Variants in MYO5A observed in about 807,000 individuals in gnomAD.
MYO5A encodes unconventional myosin-Va.
Under a neutral mutation model 249.7 loss-of-function variants are expected in MYO5A, and 98 were observed. That is an observed-to-expected ratio of 0.39 (90% confidence interval 0.33 to 0.46). The LOEUF is 0.46. MYO5A is among the 20% of genes least tolerant of loss of function. The probability of loss-of-function intolerance (pLI) is 0.98; values close to 1 mark genes in which losing one functional copy is unlikely to be tolerated. For missense variants in MYO5A, 1,696 were observed against 2,308.8 expected (o/e 0.73, Z 5.44); for synonymous variants, 778 against 810.6 (o/e 0.96, Z 0.68).
intron 1 of MYO5A, among the ~76,000 whole-genome samples, chr15:52,448,856 C>T (rs575822076): frequency 6.0e-5 from 9 of 150,304 alleles, no homozygotes; most frequent in African/African-American, 1.5e-4. Context: ...CACAGCCATA[C>T]ATCCTATATA....
At chr15:52,417,699 G>A (rs1049287703) in intron 4 of MYO5A, among the ~76,000 whole-genome samples, 12 of 152,142 alleles carry the variant, frequency 7.9e-5, no homozygotes, top group Admixed American at 3.3e-4. Context: ...TAGTCATCAC[G>A]GGAGTGGGCT....
At chr15:52,348,265 A>T (rs1269872849) in intron 29 of MYO5A, among the ~76,000 whole-genome samples, 2 of 151,628 alleles carry the variant, frequency 1.3e-5, no homozygotes. Context: ...TGTGCTATAT[A>T]GGAAAATTCC....
chr15:52,524,424 C>T (rs181798041), intron 1 of MYO5A, among the ~76,000 whole-genome samples: 189 of 151,700 alleles, frequency 1.2e-3, no homozygotes, highest in African/African-American at 4.5e-3. Flanking sequence ...TTTGGTAGCA[C>T]ATGCCTGTAG....
chr15:52,421,827 A>T (rs1460070088), intron 4 of MYO5A, among the ~76,000 whole-genome samples: 2 of 152,204 alleles, frequency 1.3e-5, no homozygotes, highest in Non-Finnish European at 2.9e-5. Context: ...GGAGACCAGG[A>T]GATTTGAGCT....
In MYO5A at chr15:52,370,189, A is replaced by G. The variant is rs772197414; in HGVS notation, c.3046T>C (p.Tyr1016His). ...CCTACCTGCTCTGTTTCTTGTTTGTATCGATCTGCATGTTCCTCAATGCAT... is the reference window on the plus strand; with the variant it reads ...CCTACCTGCTCTGTTTCTTGTTTGTGTCGATCTGCATGTTCCTCAATGCAT... ...KKCIEEHADR[Y>H]KQETEQLVSN... is the part of the protein sequence containing the mutation. Residue 1016 changes from tyrosine to histidine, a missense_variant, in exon 22 of 42, where the codon TAC becomes CAC. Transcript: ENST00000399233. 6.2e-7 allele frequency: 1 copy of G among 1,614,040 alleles called. No homozygotes were observed. Among genetic ancestry groups the G allele is most frequent in the Non-Finnish European group, 8.5e-7 (1 of 1,179,982 alleles).
At chr15:52,426,940 T>C (rs968090500) in intron 3 of MYO5A, among the ~76,000 whole-genome samples, 1 of 151,878 alleles carries the variant, frequency 6.6e-6, no homozygotes, top group African/African-American at 2.4e-5. Flanking sequence ...TCTGACTTGA[T>C]AGGGTGGCCA....
intron 32 of MYO5A, among the ~76,000 whole-genome samples, chr15:52,338,972 G>A (rs2039252301): frequency 6.6e-6 from 1 of 152,060 alleles, no homozygotes; most frequent in African/African-American, 2.4e-5. Flanking sequence ...TTTAATTTAA[G>A]CAACAGTATA....
intron 40 of MYO5A, among the ~76,000 whole-genome samples, chr15:52,315,039 CA>C (rs2037931123): frequency 6.6e-6 from 1 of 151,980 alleles, no homozygotes; most frequent in African/African-American, 2.4e-5. Context: ...CTGTGGGTGA[CA>C]AACTGAATTA....
chr15:52,366,867 T>C (rs2040837732), intron 23 of MYO5A, among the ~76,000 whole-genome samples, 164 bp downstream of exon 23: 1 of 152,204 alleles, frequency 6.6e-6, no homozygotes, highest in Admixed American at 6.5e-5. Context: ...AACCAAAATA[T>C]CTGATCTGTT....
intron 37 of MYO5A, among the ~76,000 whole-genome samples, chr15:52,321,813 A>T (rs981141219): frequency 2.0e-5 from 3 of 151,906 alleles, no homozygotes; most frequent in Non-Finnish European, 1.5e-5. Context: ...AAAAAAAAAA[A>T]AAATAGAGTG....
At chr15:52,408,235 T>A in intron 6 of MYO5A, 95 bp from the exon 7 acceptor site, 1 of 728,646 alleles carries the variant, frequency 1.4e-6, no homozygotes, top group Non-Finnish European at 2.4e-6. Context: ...ATTATCTCAG[T>A]TGGTTAAATA....
intron 1 of MYO5A, among the ~76,000 whole-genome samples, chr15:52,445,442 T>G (rs1369848247): frequency 1.3e-5 from 2 of 152,168 alleles, no homozygotes; most frequent in African/African-American, 4.8e-5. Flanking sequence ...TCTCAGGTCT[T>G]TCTTTATAGC....
chr15:52,415,454 T>C (rs1286996828), intron 5 of MYO5A, among the ~76,000 whole-genome samples: 1 of 152,204 alleles, frequency 6.6e-6, no homozygotes, highest in African/African-American at 2.4e-5. Flanking sequence ...ATTTCTACTT[T>C]GTATATGGTG....
chr15:52,494,477 T>C (rs1360151357), intron 1 of MYO5A, among the ~76,000 whole-genome samples: 1 of 152,112 alleles, frequency 6.6e-6, no homozygotes, highest in Non-Finnish European at 1.5e-5. Flanking sequence ...AAATAAAAGA[T>C]CTAATGTTAT....
intron 34 of MYO5A, among the ~76,000 whole-genome samples, chr15:52,334,780 G>C (rs779467780): frequency 1.3e-5 from 2 of 152,162 alleles, no homozygotes; most frequent in Non-Finnish European, 2.9e-5. Context: ...AGTCTATTAT[G>C]GAAGCCAGTA....
intron 25 of MYO5A, among the ~76,000 whole-genome samples, chr15:52,355,500 C>A (rs558706350): frequency 6.6e-6 from 1 of 152,188 alleles, no homozygotes; most frequent in East Asian, 1.9e-4. Flanking sequence ...GACATAAAGC[C>A]CAGCCTTGGC....
At chr15:52,504,650 C>G (rs2077228248) in intron 1 of MYO5A, among the ~76,000 whole-genome samples, 1 of 151,910 alleles carries the variant, frequency 6.6e-6, no homozygotes, top group South Asian at 2.1e-4. Flanking sequence ...GTCGGTAATC[C>G]CAGCATTTTG....
Position 52,310,075 on chromosome 15 carries a change from AGAGCCAACTAT to A in MYO5A, c.*3610_*3620del, listed in dbSNP as rs2037730813. On this transcript the variant is annotated 3_prime_UTR_variant, in exon 42 of 42. Coordinates refer to ENST00000399233, the MANE Select transcript of MYO5A (RefSeq NM_001382347.1). ...ATTACACATAATTACTCACCCAGAA[AGAGCCAACTAT>A]GAGCTATCCATGGAAATGAAGAAAT... 6.6e-6 allele frequency: 1 copy of A among 152,262 alleles called. No individual in the cohort carries two copies. The highest frequency in any genetic ancestry group is 2.4e-5 in the African/African-American group (1 of 41,476). 9.4% of individuals were successfully genotyped at this position (152,262 alleles called of 1,614,324 possible).
rs748640958 is a variant in MYO5A, at chr15:52,370,437, T to C, written c.2818-20A>G. 3 of 1,591,900 alleles carry C rather than the reference T, an allele frequency of 1.9e-6. No homozygotes were observed. In the African/African-American group the frequency reaches 4.0e-5, roughly 21 times the overall value. On this transcript the variant is annotated intron_variant, in intron 21 of 41. Transcript: ENST00000399233. Reference sequence around the variant, plus strand: ...TTTGTTCTTTAAACATACACATAAGTAACAATAAGTAAATACACATATCAT... The same window carrying C: ...TTTGTTCTTTAAACATACACATAAGCAACAATAAGTAAATACACATATCAT...
Sources: gnomAD v4.1 joint callset for allele counts (sites outside exome capture counted in the v4.1 genomes callset) on GRCh38, gnomAD v4.1.1 for gene constraint, MANE v1.5 for transcripts, NCBI Gene and HGNC (gene_info 2026-07-23, HGNC 2026-07-21) for gene names.